Variants in ST3GAL1 observed in about 807,000 individuals in gnomAD.
ST3GAL1 encodes the protein ST3 beta-galactoside alpha-2,3-sialyltransferase 1.
ST3GAL1 carries 16 observed loss-of-function variants against 34.1 expected under a neutral mutation model. That is an observed-to-expected ratio of 0.47 (90% confidence interval 0.32 to 0.71). The LOEUF (loss-of-function observed/expected upper bound fraction) is 0.71. Among genes scored for constraint, ST3GAL1 ranks in the 30% least tolerant of loss-of-function variants. ST3GAL1 has a pLI of 0.04. For missense variants in ST3GAL1, 353 were observed against 447.4 expected (o/e 0.79, Z 1.90); for synonymous variants, 191 against 184.7 (o/e 1.03, Z -0.28).
rs1041345343 is a variant in ST3GAL1, at chr8:133,467,668, G to A, written c.307-1578C>T. ...TGGGGTGATTCCCATCGGCTACTCC[G>A]GGCCCCAGGGGCAAGGGGTGGCTGG... On this transcript the variant is annotated intron_variant, in intron 5 of 9. Transcript: ENST00000522652. This position sits in a 1 kb window ranked among gnomAD's most constrained non-coding sequence, Gnocchi z 4.2. Among the ~76,000 whole-genome samples the A allele has an allele frequency of 3.3e-5, 5 of 152,148 alleles. No homozygotes were observed. The highest frequency in any genetic ancestry group is 1.3e-4 in the Admixed American group (2 of 15,278).
At chr8:133,557,889 A>C (rs1586669149) in intron 1 of ST3GAL1, among the ~76,000 whole-genome samples, 1 of 134,950 alleles carries the variant, frequency 7.4e-6, no homozygotes, top group East Asian at 2.3e-4. Context: ...TGGGCAACAG[A>C]GTGAGACTCC....
chr8:133,461,733 A>G lies in ST3GAL1; in HGVS notation c.849+142T>C. 1 of 1,200,700 alleles carries G rather than the reference A, an allele frequency of 8.3e-7. No individual in the cohort carries two copies. The highest frequency in any genetic ancestry group is 1.2e-6 in the Non-Finnish European group (1 of 850,804). 74.4% of individuals were successfully genotyped at this position (1,200,700 alleles called of 1,614,324 possible). A position where few individuals can be genotyped will look rare whatever the true frequency, so the allele number is the denominator to read the frequency against. ...AAACACCCTGGGAGACACATGTTGCAAGTCCTGTCGTAGAGACAGGGAATC... is the reference window on the plus strand; with the variant it reads ...AAACACCCTGGGAGACACATGTTGCGAGTCCTGTCGTAGAGACAGGGAATC... On this transcript the variant is annotated intron_variant, in intron 9 of 9. Transcript: ENST00000522652. The surrounding 1 kb of genome is among the most constrained non-coding windows in gnomAD (Gnocchi z 4.7).
chr8:133,549,805 A>T (rs776807680), intron 1 of ST3GAL1, among the ~76,000 whole-genome samples: 2 of 151,754 alleles, frequency 1.3e-5, no homozygotes, highest in African/African-American at 4.8e-5. Context: ...TCTACTAAAA[A>T]TACAAAATTA....
At position 133,554,788 on chromosome 8, in the gene ST3GAL1, G is replaced by A. The variant is rs575238862; in HGVS notation, c.-581-8862C>T. On this transcript the variant is annotated intron_variant, in intron 1 of 9. Transcript: ENST00000522652. ...TGTCGCCAGGGTGGAGTGCAGTGGC[G>A]CGATCTCGGCTCACTGCAACCTCCG... Among the ~76,000 whole-genome samples, 54 of 149,196 alleles carry A rather than the reference G, an allele frequency of 3.6e-4. 1 individual carries two copies. In the Middle Eastern group the frequency reaches 0.014, roughly 38 times the overall value.
intron 1 of ST3GAL1, among the ~76,000 whole-genome samples, chr8:133,565,153 G>C (rs979647034): frequency 3.0e-5 from 4 of 132,612 alleles, no homozygotes; most frequent in East Asian, 2.1e-4. Flanking sequence ...CTGTGTGCCT[G>C]TGTGTGTGTG....
rs766324575 is a variant in ST3GAL1 at position 133,545,808 on chromosome 8, C to G, written c.-463G>C. The G allele has an allele frequency of 6.6e-6, 1 of 152,164 alleles. No individual in the cohort carries two copies. Among genetic ancestry groups the G allele is most frequent in the African/African-American group, 2.4e-5 (1 of 41,446 alleles). 9.4% of individuals were successfully genotyped at this position (152,164 alleles called of 1,614,324 possible). On this transcript the variant is annotated 5_prime_UTR_variant, in exon 2 of 10. Coordinates refer to ENST00000522652, the MANE Select transcript of ST3GAL1 (RefSeq NM_173344.3). Reference sequence around the variant, plus strand: ...CTGAGTGACCGTCCATCTCTGGTCCCCAAATGGAATTGTCCTGACCCAAGC... The same window carrying G: ...CTGAGTGACCGTCCATCTCTGGTCCGCAAATGGAATTGTCCTGACCCAAGC...
chr8:133,477,225 A>G (rs1439597435), intron 3 of ST3GAL1, among the ~76,000 whole-genome samples: 1 of 152,222 alleles, frequency 6.6e-6, no homozygotes, highest in Non-Finnish European at 1.5e-5. Flanking sequence ...TATGAAGATA[A>G]GATAAAATGA....
In ST3GAL1 at chr8:133,530,741, C is replaced by T. The variant is rs1012227402; in HGVS notation, c.-429+15033G>A. ...GAGAGCTTCCAGACAAAAAGCATTT[C>T]GGGAAAAGCATCCTGTGTGACAGGA... On this transcript the variant is annotated intron_variant, in intron 2 of 9. Transcript: ENST00000522652. 3.3e-5 allele frequency among the ~76,000 whole-genome samples: 5 copies of T among 152,272 alleles called. No homozygotes were observed. In the South Asian group the frequency reaches 6.2e-4, roughly 19 times the overall value.
intron 2 of ST3GAL1, among the ~76,000 whole-genome samples, chr8:133,529,306 G>C (rs2131041333): frequency 6.6e-6 from 1 of 152,352 alleles, no homozygotes; most frequent in South Asian, 2.1e-4. Flanking sequence ...AAGCGGGCCA[G>C]AGAGGATGCG....
chr8:133,553,103 T>G (rs1010904844), intron 1 of ST3GAL1, among the ~76,000 whole-genome samples: 1 of 152,128 alleles, frequency 6.6e-6, no homozygotes, highest in African/African-American at 2.4e-5. Flanking sequence ...AGGGCTGACA[T>G]GACCTTGAGG....
In ST3GAL1 at chr8:133,461,688, T is replaced by C. The variant is rs561045605; in HGVS notation, c.849+187A>G. On this transcript the variant is annotated intron_variant, in intron 9 of 9. Transcript: ENST00000522652. The surrounding 1 kb of genome is among the most constrained non-coding windows in gnomAD (Gnocchi z 4.7). ...ACTATTGCTCCTGAGAACTTTCTCA[T>C]AGAGCACTGTTACTCACTAAAACAC... Among the ~76,000 whole-genome samples the C allele has an allele frequency of 6.6e-6, 1 of 152,302 alleles. No homozygotes were observed. The highest frequency in any genetic ancestry group is 2.4e-5 in the African/African-American group (1 of 41,566).
At chr8:133,540,365 G>A (rs1331830782) in intron 2 of ST3GAL1, among the ~76,000 whole-genome samples, 1 of 152,086 alleles carries the variant, frequency 6.6e-6, no homozygotes. Flanking sequence ...GCCTGCATTC[G>A]GTCTCTGGGC....
intron 2 of ST3GAL1, among the ~76,000 whole-genome samples, chr8:133,501,194 A>T (rs1281518384): frequency 6.6e-6 from 1 of 152,210 alleles, no homozygotes; most frequent in Non-Finnish European, 1.5e-5. Flanking sequence ...GTTGCCATGG[A>T]ATCCCAAGAG....
At chr8:133,561,966 C>A (rs1246028444) in intron 1 of ST3GAL1, among the ~76,000 whole-genome samples, 1 of 151,994 alleles carries the variant, frequency 6.6e-6, no homozygotes, top group Non-Finnish European at 1.5e-5. Context: ...ATGGCGTATA[C>A]CTGTAGTCCC....
intron 3 of ST3GAL1, chr8:133,488,388 G>C (rs1282698715): frequency 6.6e-6 from 1 of 152,222 alleles, no homozygotes. Context: ...GATGAATGCA[G>C]GTGGGCCTCA....
At chr8:133,533,902 A>G (rs150695249) in intron 2 of ST3GAL1, among the ~76,000 whole-genome samples, 99 of 152,356 alleles carry the variant, frequency 6.5e-4, no homozygotes, top group African/African-American at 2.2e-3. Flanking sequence ...TATGCAAATA[A>G]GCAGCAACAG....
At position 133,539,866 on chromosome 8, in the gene ST3GAL1, A is replaced by G. The variant is rs1443557251; in HGVS notation, c.-429+5908T>C. 3.3e-5 allele frequency: 5 copies of G among 152,264 alleles called. No homozygotes were observed. The East Asian group carries it at 9.6e-4, about 29-fold the overall frequency. The allele number at this position is 152,264 out of a possible 1,614,324, so 9.4% of individuals were successfully genotyped here. ...AGTTGTGATGGCACAACTGCACTCC[A>G]GCCTGGGCACCAGAGTGAGACTCTG... On this transcript the variant is annotated intron_variant, in intron 2 of 9. Coordinates refer to ENST00000522652, the MANE Select transcript of ST3GAL1 (RefSeq NM_173344.3).
At chr8:133,554,010 T>C (rs1320619206) in intron 1 of ST3GAL1, among the ~76,000 whole-genome samples, 1 of 152,126 alleles carries the variant, frequency 6.6e-6, no homozygotes, top group Non-Finnish European at 1.5e-5. Flanking sequence ...GCAGACTCCA[T>C]GCACTGAGCC....
At chr8:133,544,253 A>T (rs571626047) in intron 2 of ST3GAL1, among the ~76,000 whole-genome samples, 1 of 152,140 alleles carries the variant, frequency 6.6e-6, no homozygotes, top group East Asian at 1.9e-4. Flanking sequence ...TGTTATTCCC[A>T]CTTGCACTGG....
Sources: allele counts gnomAD v4.1 joint callset (sites outside exome capture counted in the v4.1 genomes callset), GRCh38; gene constraint gnomAD v4.1.1; non-coding constraint Gnocchi (gnomAD v3.1); transcripts MANE v1.5; gene names NCBI Gene and HGNC (gene_info 2026-07-23, HGNC 2026-07-21).